STK25: variants seen among roughly 807,000 people sequenced by gnomAD.
STK25 encodes serine/threonine-protein kinase 25.
Under a neutral mutation model 53.8 loss-of-function variants are expected in STK25, and 29 were observed. The observed-to-expected ratio is 0.54, with a 90% CI of 0.40 to 0.74. The LOEUF is 0.74. Among genes scored for constraint, STK25 ranks in the 30% least tolerant of loss-of-function variants. The pLI is 0.00. For synonymous variants in STK25, 247 were observed against 238.3 expected, an observed-to-expected ratio of 1.04 and a Z score of -0.33; for missense variants, 420 against 568.0, an observed-to-expected ratio of 0.74 and a Z score of 2.65.
chr2:241,499,575 C>G, intron 5 of STK25, 161 bp from the exon 6 acceptor site: 1 of 893,476 alleles, frequency 1.1e-6, no homozygotes, highest in Non-Finnish European at 1.7e-6. Context: ...CCAGGGCCAC[C>G]TAGGGCCACA....
chr2:241,504,314 C>CAGCA (rs919440113), intron 2 of STK25, among the ~76,000 whole-genome samples: 2 of 152,194 alleles, frequency 1.3e-5, no homozygotes, highest in Non-Finnish European at 2.9e-5. Flanking sequence ...CTCATCAGTA[C>CAGCA]AGCAGCCCAG....
rs1395271593 is a variant in STK25, at chr2:241,498,696, T to C, written c.860A>G (p.Tyr287Cys). ...ATGCCCCTCTGACTTCCAGCGCTTA[T>C]AGCGGTCGATGAGCTCCGTGAGGAA... is the stretch of plus-strand genomic sequence containing the variant. The part of the protein sequence containing the change: ...TSFLTELIDR[Y>C]KRWKSEGHGE... The change falls in exon 8 of 12, where the codon TAT (tyrosine) becomes TGT (cysteine). Residue 287 changes from tyrosine to cysteine, a missense_variant. By Grantham distance (194) the Tyr-to-Cys change is radical. Coordinates refer to ENST00000316586, the MANE Select transcript of STK25 (RefSeq NM_001271977.2). The C allele has an allele frequency of 2.5e-6, 4 of 1,613,980 alleles. No individual in the cohort carries two copies. Among genetic ancestry groups the C allele is most frequent in the East Asian group, 2.2e-5 (1 of 44,896 alleles).
intron 2 of STK25, among the ~76,000 whole-genome samples, chr2:241,505,402 T>A (rs1223097601): frequency 6.6e-6 from 1 of 152,122 alleles, no homozygotes; most frequent in Non-Finnish European, 1.5e-5. Flanking sequence ...GCCCTGAGCT[T>A]GTGTCCTCCC....
intron 8 of STK25, 46 bp from the exon 9 acceptor site, chr2:241,498,395 G>C: frequency 6.7e-7 from 1 of 1,498,748 alleles, no homozygotes; most frequent in Non-Finnish European, 9.1e-7. Context: ...AGAGGGCCAG[G>C]AGGCATGAGG....
rs1298013146 is a variant in STK25, at chr2:241,493,055, A to G, written c.*2607T>C. ...TCATCAGGTACTGGAGTTTCACTGG[A>G]GCCCAATGCAGGTGATGCTAGCAGA... On this transcript the variant is annotated 3_prime_UTR_variant, in exon 12 of 12. Transcript: ENST00000316586. The G allele has an allele frequency of 1.5e-6, 2 of 1,374,936 alleles. No homozygotes were observed. The highest frequency in any genetic ancestry group is 2.1e-6 in the Non-Finnish European group (2 of 961,344). 85.2% of individuals were successfully genotyped at this position (1,374,936 alleles called of 1,614,324 possible).
chr2:241,499,602 G>A, intron 5 of STK25, 188 bp from the exon 6 acceptor site: 1 of 677,676 alleles, frequency 1.5e-6, no homozygotes. Flanking sequence ...CTGCCAGCAG[G>A]AGCCCAACGG....
chr2:241,508,212 G>GT (rs2125017890), intron 1 of STK25, 77 bp from the exon 2 acceptor site: 2 of 1,348,010 alleles, frequency 1.5e-6, no homozygotes, highest in South Asian at 1.8e-5. Flanking sequence ...GGCTCCATGG[G>GT]TGGGGGGGGG....
Position 241,495,346 on chromosome 2 carries a change from C to T in STK25, c.*316G>A. ...CTTGGTCTGAGCGGCCATAGGGCTG[C>T]ATGAGTCTGCAGAAGACCCAGGCGT... is the stretch of plus-strand genomic sequence containing the variant. On this transcript the variant is annotated 3_prime_UTR_variant, in exon 12 of 12. Coordinates refer to ENST00000316586, the MANE Select transcript of STK25 (RefSeq NM_001271977.2). 2.8e-6 allele frequency: 1 copy of T among 361,882 alleles called. No homozygotes were observed. The highest frequency in any genetic ancestry group is 5.2e-6 in the Non-Finnish European group (1 of 193,062). 22.4% of individuals were successfully genotyped at this position (361,882 alleles called of 1,614,324 possible).
At chr2:241,508,171 C>T in intron 1 of STK25, 36 bp from the exon 2 acceptor site, 1 of 1,414,680 alleles carries the variant, frequency 7.1e-7, no homozygotes, top group South Asian at 1.6e-5. Flanking sequence ...GTGCCCAGTT[C>T]AGTCATCTGA....
At chr2:241,499,526 C>T (rs2065378238) in intron 5 of STK25, 112 bp from the exon 6 acceptor site, 1 of 1,394,440 alleles carries the variant, frequency 7.2e-7, no homozygotes, top group Non-Finnish European at 9.6e-7. Context: ...CACAGCAGGG[C>T]TGTCCTCAGG....
Position 241,495,414 on chromosome 2 carries a change from A to G in STK25, c.*248T>C. 1.9e-6 allele frequency: 1 copy of G among 532,516 alleles called. No individual in the cohort carries two copies. The highest frequency in any genetic ancestry group is 2.4e-5 in the South Asian group (1 of 41,662). 33.0% of individuals were successfully genotyped at this position (532,516 alleles called of 1,614,324 possible). Reference sequence around the variant, plus strand: ...CCGGCGGCTGGAGCCCCCGTGAGCAATACTGCTGGGCCAGGAGAGGGAGGA... The same window carrying G: ...CCGGCGGCTGGAGCCCCCGTGAGCAGTACTGCTGGGCCAGGAGAGGGAGGA... On this transcript the variant is annotated 3_prime_UTR_variant, in exon 12 of 12. Coordinates refer to ENST00000316586, the MANE Select transcript of STK25 (RefSeq NM_001271977.2).
chr2:241,498,115 G>T, intron 9 of STK25, 120 bp downstream of exon 9: 2 of 945,528 alleles, frequency 2.1e-6, no homozygotes, highest in Non-Finnish European at 3.4e-6. Context: ...GACCACCCCT[G>T]CCTTTCCCAA....
upstream of STK25, chr2:241,508,587 G>A (rs898100226): frequency 3.2e-5 from 32 of 989,228 alleles, no homozygotes; most frequent in East Asian, 3.4e-4. Flanking sequence ...GAGAAAGCCC[G>A]GAGGCGACGG....
rs1268450548 is a variant in STK25, at chr2:241,493,590, A to ATGCTT, written c.*2067_*2071dup. On this transcript the variant is annotated 3_prime_UTR_variant, in exon 12 of 12. Transcript: ENST00000316586. The stretch of plus-strand genomic sequence containing the variant: ...CTTCCAGCATTTCCAAAAAACAGCA[A>ATGCTT]TGCTTTGTTTTTTTTTTTTTTGGAG... 4.5e-6 allele frequency: 3 copies of ATGCTT among 673,512 alleles called. No individual in the cohort carries two copies. The highest frequency in any genetic ancestry group is 5.5e-5 in the East Asian group (2 of 36,554). The allele number at this position is 673,512 out of a possible 1,614,324, so 41.7% of individuals were successfully genotyped here.
chr2:241,501,437 G>C lies in STK25; in HGVS notation c.261+41C>G. On this transcript the variant is annotated intron_variant, in intron 3 of 11. Coordinates refer to ENST00000316586, the MANE Select transcript of STK25 (RefSeq NM_001271977.2). The surrounding 1 kb of genome is among the most constrained non-coding windows in gnomAD (Gnocchi z 5.3). ...TCCCTCTGACATGGAAGAGAGCCGG[G>C]CACAGCACCAGCAGGGTCCCCGCCT... is the stretch of plus-strand genomic sequence containing the variant. 1.3e-6 allele frequency: 2 copies of C among 1,582,728 alleles called. No homozygotes were observed. Among genetic ancestry groups the C allele is most frequent in the Non-Finnish European group, 1.7e-6 (2 of 1,155,670 alleles).
At chr2:241,495,834 T>C in intron 11 of STK25, 133 bp from the exon 12 acceptor site, 1 of 857,408 alleles carries the variant, frequency 1.2e-6, no homozygotes, top group Non-Finnish European at 1.9e-6. Context: ...GTGTCCCCAA[T>C]GCACAGGGTC....
chr2:241,499,937 T>C (rs2065405995), intron 5 of STK25: 1 of 624,752 alleles, frequency 1.6e-6, no homozygotes, highest in Non-Finnish European at 3.0e-6. Flanking sequence ...CAGCCAAGTG[T>C]GGCCCTTTCC....
At chr2:241,508,232 C>A in intron 1 of STK25, 97 bp from the exon 2 acceptor site, 2 of 1,311,074 alleles carry the variant, frequency 1.5e-6, no homozygotes, top group Non-Finnish European at 1.9e-6. Context: ...GCCCAGGAGA[C>A]CCCCCAGGCC....
rs1405220443 is a variant in STK25, at chr2:241,504,917, C to T, written c.30+3089G>A. ...ACAAGGTTAAGAAGCAGCCCCTCTT[C>T]TTTTTCTTTTTTTTTTTGAGATAGA... On this transcript the variant is annotated intron_variant, in intron 2 of 11. Transcript: ENST00000316586. 5.7e-5 allele frequency among the ~76,000 whole-genome samples: 8 copies of T among 139,842 alleles called. No individual in the cohort carries two copies. The East Asian group carries it at 1.5e-3, about 27-fold the overall frequency. The allele number at this position is 139,842 out of a possible 152,430, so 91.7% of individuals were successfully genotyped here. A position where few individuals can be genotyped will look rare whatever the true frequency, so the allele number is the denominator to read the frequency against.
Sources: gnomAD v4.1 joint callset for allele counts (sites outside exome capture counted in the v4.1 genomes callset) on GRCh38, gnomAD v4.1.1 for gene constraint, Gnocchi (gnomAD v3.1) non-coding constraint, MANE v1.5 for transcripts, NCBI Gene and HGNC (gene_info 2026-07-23, HGNC 2026-07-21) for gene names.